SLCO1A2: variants seen among roughly 807,000 people sequenced by gnomAD.
SLCO1A2 encodes solute carrier organic anion transporter family member 1A2, also known as OATP-1.
SLCO1A2 carries 67 observed loss-of-function variants against 69.0 expected under a neutral mutation model. That is an observed-to-expected ratio of 0.97 (90% CI 0.80 to 1.19). The LOEUF (loss-of-function observed/expected upper bound fraction) is 1.19, where lower values mean the gene tolerates loss of function less well. SLCO1A2 is among the 50% of genes most tolerant of loss of function. SLCO1A2 has a pLI of 0.00. For synonymous variants in SLCO1A2, 260 were observed against 265.9 expected, an observed-to-expected ratio of 0.98 and a Z score of 0.22; for missense variants, 787 against 793.7, an observed-to-expected ratio of 0.99 and a Z score of 0.10.
In SLCO1A2 at chr12:21,289,244, T is replaced by C. The variant is rs1163073157; in HGVS notation, c.1610+2920A>G. On this transcript the variant is annotated intron_variant, in intron 12 of 14. Transcript: ENST00000683939. Reference sequence around the variant, plus strand: ...TGTGTGTATGGCATCACTAGAAATATATTTGGTCTTTGTCCCTAGCTTCTG... The same window carrying C: ...TGTGTGTATGGCATCACTAGAAATACATTTGGTCTTTGTCCCTAGCTTCTG... 3.3e-5 allele frequency among the ~76,000 whole-genome samples: 5 copies of C among 151,142 alleles called. No individual in the cohort carries two copies. The East Asian group carries it at 9.8e-4, about 29-fold the overall frequency.
At chr12:21,310,839 G>C (rs1379629902) in intron 4 of SLCO1A2, among the ~76,000 whole-genome samples, 1 of 152,140 alleles carries the variant, frequency 6.6e-6, no homozygotes, top group Non-Finnish European at 1.5e-5. Flanking sequence ...TCCTGACCTC[G>C]TGATCCGCCC....
intron 2 of SLCO1A2, among the ~76,000 whole-genome samples, chr12:21,369,264 A>G (rs532332865): frequency 1.3e-5 from 2 of 152,166 alleles, no homozygotes; most frequent in East Asian, 3.9e-4. Context: ...TATTCATGTC[A>G]TTGTCAAAGC....
At chr12:21,281,452 A>G (rs956835219) in intron 12 of SLCO1A2, among the ~76,000 whole-genome samples, 1 of 152,130 alleles carries the variant, frequency 6.6e-6, no homozygotes, top group African/African-American at 2.4e-5. Flanking sequence ...TCCGTCTCAA[A>G]AAAAAAAGAA....
chr12:21,286,218 GACAA>G (rs1297524950), intron 12 of SLCO1A2, among the ~76,000 whole-genome samples: 2 of 137,286 alleles, frequency 1.5e-5, no homozygotes, highest in Non-Finnish European at 3.1e-5. Context: ...ACCAACAACA[GACAA>G]ACAGAGAGCC....
rs767557016 is a variant in SLCO1A2 at position 21,274,621 on chromosome 12, A to AGAATT, written c.1676-40_1676-36dup. 3 of 1,290,660 alleles carry AGAATT rather than the reference A, an allele frequency of 2.3e-6. No individual in the cohort carries two copies. The South Asian group carries it at 3.6e-5, about 15-fold the overall frequency. The allele number at this position is 1,290,660 out of a possible 1,614,324, so 80.0% of individuals were successfully genotyped here. A position where few individuals can be genotyped will look rare whatever the true frequency, so the allele number is the denominator to read the frequency against. On this transcript the variant is annotated intron_variant, in intron 13 of 14. Transcript: ENST00000683939. ...ACAGGGAAAGAAAAATCTATCAACAAGAATTAAGATACTTGATTTATTTGG... is the reference window on the plus strand; with the variant it reads ...ACAGGGAAAGAAAAATCTATCAACAAGAATTGAATTAAGATACTTGATTTATTTGG...
intron 2 of SLCO1A2, among the ~76,000 whole-genome samples, chr12:21,350,917 CT>C (rs931156996): frequency 2.6e-5 from 3 of 116,228 alleles, no homozygotes; most frequent in Non-Finnish European, 5.3e-5. Context: ...TAATAGTTTT[CT>C]TACATATATT....
chr12:21,302,566 T>C (rs1210893441), intron 6 of SLCO1A2, among the ~76,000 whole-genome samples: 1 of 152,008 alleles, frequency 6.6e-6, no homozygotes, highest in Non-Finnish European at 1.5e-5. Flanking sequence ...TTTTTTTTTT[T>C]TTGAGATGGA....
intron 2 of SLCO1A2, among the ~76,000 whole-genome samples, chr12:21,343,592 G>A (rs140361848): frequency 3.3e-5 from 5 of 152,130 alleles, no homozygotes; most frequent in African/African-American, 1.2e-4. Context: ...ACCACAAATT[G>A]CTTATTGCAG....
chr12:21,338,942 C>T (rs908597610), upstream of SLCO1A2, among the ~76,000 whole-genome samples: 4 of 151,896 alleles, frequency 2.6e-5, no homozygotes, highest in African/African-American at 9.7e-5. Flanking sequence ...AATAGCAGAC[C>T]TTGTAATCCA....
At chr12:21,334,460 A>T in intron 2 of SLCO1A2, 128 bp downstream of exon 2, 1 of 645,308 alleles carries the variant, frequency 1.5e-6, no homozygotes, top group South Asian at 2.3e-5. Context: ...GCAAGAAATT[A>T]TCAATAGAAC....
chr12:21,274,980 T>G, intron 13 of SLCO1A2: 1 of 1,025,884 alleles, frequency 9.7e-7, no homozygotes, highest in East Asian at 8.7e-5. Flanking sequence ...TAAAAGAGAT[T>G]CTCTATCTCT....
chr12:21,297,832 C>A (rs945193902), intron 8 of SLCO1A2, among the ~76,000 whole-genome samples: 8 of 152,134 alleles, frequency 5.3e-5, no homozygotes, highest in African/African-American at 1.4e-4. Context: ...TCTTAAAGAT[C>A]AGTAAGCAAA....
intron 12 of SLCO1A2, among the ~76,000 whole-genome samples, chr12:21,284,478 A>G (rs1020328424): frequency 3.3e-5 from 5 of 152,028 alleles, no homozygotes; most frequent in African/African-American, 1.2e-4. Flanking sequence ...ATACCCAGGA[A>G]TTGAACTCAG....
At chr12:21,279,703 G>A (rs1462611933) in intron 12 of SLCO1A2, among the ~76,000 whole-genome samples, 1 of 152,194 alleles carries the variant, frequency 6.6e-6, no homozygotes, top group Non-Finnish European at 1.5e-5. Context: ...GCTAAAGGGA[G>A]TACTTCAATC....
At position 21,308,326 on chromosome 12, in the gene SLCO1A2, A is replaced by T. The variant is rs58265175; in HGVS notation, c.336-1338T>A. ...AACAAGATTTTCAAAATGGAAAAGC[A>T]GGTAACTGAGTGGTCACTGAAATAA... is the stretch of plus-strand genomic sequence containing the variant. On this transcript the variant is annotated intron_variant, in intron 4 of 14. Transcript: ENST00000683939. Among the ~76,000 whole-genome samples the T allele has an allele frequency of 1.3e-3, 198 of 152,324 alleles. 1 individual carries two copies. The highest frequency in any genetic ancestry group is 4.5e-3 in the African/African-American group (187 of 41,580).
chr12:21,310,423 T>C (rs971527510), intron 4 of SLCO1A2, among the ~76,000 whole-genome samples: 2 of 152,264 alleles, frequency 1.3e-5, no homozygotes, highest in African/African-American at 4.8e-5. Flanking sequence ...CGAGTCATCA[T>C]CTTCTGCTGG....
At chr12:21,394,938 G>C (rs1941362522) in exon 1 of SLCO1A2, 4 of 152,182 alleles carry the variant, frequency 2.6e-5, no homozygotes, top group Admixed American at 2.6e-4. Context: ...TAGTAACATA[G>C]CAGGCACTTC....
At chr12:21,274,048 A>T (rs987665864) in intron 14 of SLCO1A2, 2 of 152,938 alleles carry the variant, frequency 1.3e-5, no homozygotes, top group Non-Finnish European at 2.9e-5. Context: ...GAGGGAGAAA[A>T]TATATGATTT....
intron 14 of SLCO1A2, among the ~76,000 whole-genome samples, chr12:21,271,534 T>G (rs1455313540): frequency 6.6e-6 from 1 of 151,110 alleles, no homozygotes; most frequent in Admixed American, 6.6e-5. Context: ...CATATTTCAT[T>G]GTTCTTTTTC....
Sources: gnomAD v4.1 joint callset for allele counts (sites outside exome capture counted in the v4.1 genomes callset) on GRCh38, gnomAD v4.1.1 for gene constraint, MANE v1.5 for transcripts, NCBI Gene and HGNC (gene_info 2026-07-23, HGNC 2026-07-21) for gene names.